GALNT1: variants seen among roughly 807,000 people sequenced by gnomAD.
The protein encoded by GALNT1 is polypeptide N-acetylgalactosaminyltransferase 1.
GALNT1 carries 17 observed loss-of-function variants against 65.7 expected under a neutral mutation model. The ratio of observed to expected loss-of-function variants is 0.26; its 90% CI spans 0.18 to 0.39. The LOEUF is 0.39. Among genes scored for constraint, GALNT1 ranks in the 10% least tolerant of loss-of-function variants. The pLI is 1.00. For synonymous variants in GALNT1, 210 were observed against 219.7 expected (o/e 0.96, Z 0.39); for missense variants, 460 against 672.8 (o/e 0.68, Z 3.50).
At chr18:35,584,811 G>A (rs540396335) in intron 1 of GALNT1, among the ~76,000 whole-genome samples, 5 of 152,258 alleles carry the variant, frequency 3.3e-5, no homozygotes, top group South Asian at 2.1e-4. Flanking sequence ...TGATCTGACC[G>A]GAAGGAGGTG....
At chr18:35,631,595 A>G (rs887797817) in intron 1 of GALNT1, among the ~76,000 whole-genome samples, 17 of 152,220 alleles carry the variant, frequency 1.1e-4, no homozygotes, top group African/African-American at 3.4e-4. Flanking sequence ...CCCACAGCCA[A>G]TATCATACTG....
intron 1 of GALNT1, among the ~76,000 whole-genome samples, chr18:35,612,536 G>T (rs2046730575): frequency 6.6e-6 from 1 of 152,132 alleles, no homozygotes; most frequent in Admixed American, 6.6e-5. Flanking sequence ...ATTAAAGTGT[G>T]CCCCAATTTC....
intron 3 of GALNT1, chr18:35,664,615 C>G (rs1374978028): frequency 6.6e-6 from 1 of 152,128 alleles, no homozygotes; most frequent in African/African-American, 2.4e-5. Flanking sequence ...CATGTGCTAC[C>G]AAATATTTTC....
intron 3 of GALNT1, among the ~76,000 whole-genome samples, chr18:35,674,971 A>G (rs920228611): frequency 2.5e-4 from 31 of 125,750 alleles, no homozygotes; most frequent in African/African-American, 8.7e-4. Flanking sequence ...CGACAGAGCG[A>G]GACTCCGTCT....
intron 1 of GALNT1, among the ~76,000 whole-genome samples, chr18:35,611,903 G>A (rs2046722769): frequency 6.6e-6 from 1 of 152,118 alleles, no homozygotes; most frequent in Admixed American, 6.5e-5. Context: ...TTCCCACAAA[G>A]CTTCTGTTTT....
At chr18:35,638,488 C>G (rs1405388720) in intron 1 of GALNT1, among the ~76,000 whole-genome samples, 1 of 151,984 alleles carries the variant, frequency 6.6e-6, no homozygotes. Context: ...ACAGCCCCAG[C>G]AGTCCTGCAC....
intron 2 of GALNT1, among the ~76,000 whole-genome samples, chr18:35,660,398 T>C (rs192162373): frequency 1.3e-3 from 205 of 152,270 alleles, no homozygotes; most frequent in Middle Eastern, 3.4e-3. Flanking sequence ...ATGATACTTA[T>C]CTACAGTGTC....
chr18:35,647,012 G>T (rs2047240108), intron 1 of GALNT1, among the ~76,000 whole-genome samples: 1 of 152,156 alleles, frequency 6.6e-6, no homozygotes, highest in African/African-American at 2.4e-5. Flanking sequence ...TACAAGCTAG[G>T]ATTGAGTTTG....
At chr18:35,695,098 A>G (rs2048033219) in intron 9 of GALNT1, among the ~76,000 whole-genome samples, 1 of 152,244 alleles carries the variant, frequency 6.6e-6, no homozygotes, top group Non-Finnish European at 1.5e-5. Flanking sequence ...GTTTCACAAC[A>G]GCCTGAATAT....
chr18:35,673,040 A>C, intron 3 of GALNT1, among the ~76,000 whole-genome samples: 1 of 152,118 alleles, frequency 6.6e-6, no homozygotes, highest in East Asian at 1.9e-4. Flanking sequence ...CTTTGCCCTT[A>C]GTTTTATGGT....
intron 1 of GALNT1, among the ~76,000 whole-genome samples, chr18:35,604,700 C>T (rs772610659): frequency 1.3e-5 from 2 of 152,034 alleles, no homozygotes. Context: ...GCTTATTGGC[C>T]GTGTGTATGT....
intron 10 of GALNT1, 109 bp from the exon 11 acceptor site, chr18:35,703,400 A>G: frequency 9.9e-7 from 1 of 1,012,722 alleles, no homozygotes; most frequent in East Asian, 2.5e-5. Context: ...AATAAAGTAC[A>G]TAAATCATGT....
chr18:35,645,270 G>C (rs1328830119), intron 1 of GALNT1, among the ~76,000 whole-genome samples: 1 of 110,618 alleles, frequency 9.0e-6, no homozygotes, highest in African/African-American at 3.5e-5. Flanking sequence ...TCGCTCTGTT[G>C]CCCAGGCTGG....
At chr18:35,619,865 A>G (rs2046829838) in intron 1 of GALNT1, among the ~76,000 whole-genome samples, 1 of 152,178 alleles carries the variant, frequency 6.6e-6, no homozygotes, top group African/African-American at 2.4e-5. Context: ...TCTAGGAAGT[A>G]AAAGGTTTTT....
At chr18:35,701,651 T>C (rs2048165982) in intron 9 of GALNT1, among the ~76,000 whole-genome samples, 1 of 151,992 alleles carries the variant, frequency 6.6e-6, no homozygotes, top group Non-Finnish European at 1.5e-5. Context: ...ATTGGACAAG[T>C]TGTGGGAATA....
intron 1 of GALNT1, among the ~76,000 whole-genome samples, chr18:35,619,346 A>G (rs1242169248): frequency 6.6e-6 from 1 of 152,204 alleles, no homozygotes; most frequent in Non-Finnish European, 1.5e-5. Flanking sequence ...TTAGTAACCT[A>G]GTAACATCAG....
intron 6 of GALNT1, among the ~76,000 whole-genome samples, chr18:35,688,514 T>G (rs2047904220): frequency 6.6e-6 from 1 of 152,158 alleles, no homozygotes; most frequent in Non-Finnish European, 1.5e-5. Flanking sequence ...TTTCACATGT[T>G]CCCACTCCCT....
intron 1 of GALNT1, among the ~76,000 whole-genome samples, chr18:35,623,722 CT>C (rs1182456957): frequency 6.6e-6 from 1 of 152,026 alleles, no homozygotes; most frequent in Non-Finnish European, 1.5e-5. Context: ...CCATTTCAGA[CT>C]TTATATTTTT....
intron 1 of GALNT1, among the ~76,000 whole-genome samples, chr18:35,651,945 T>C (rs561056165): frequency 6.6e-6 from 1 of 152,188 alleles, no homozygotes; most frequent in South Asian, 2.1e-4. Context: ...TTTTACATCT[T>C]ATATCTTTGA....
Sources: gnomAD v4.1 joint callset for allele counts (sites outside exome capture counted in the v4.1 genomes callset) on GRCh38, gnomAD v4.1.1 for gene constraint, MANE v1.5 for transcripts, NCBI Gene and HGNC (gene_info 2026-07-23, HGNC 2026-07-21) for gene names.